SGCD: variants seen among roughly 807,000 people sequenced by gnomAD.
SGCD encodes sarcoglycan delta.
Under a neutral mutation model 36.6 loss-of-function variants are expected in SGCD, and 18 were observed. That is an observed-to-expected ratio of 0.49 (90% confidence interval 0.34 to 0.73). The LOEUF is 0.73. Among genes scored for constraint, SGCD ranks in the 30% least tolerant of loss-of-function variants. The pLI, the probability that SGCD is intolerant of heterozygous loss-of-function variation, is 0.01. For synonymous variants in SGCD, 133 were observed against 130.6 expected (o/e 1.02, Z -0.12); for missense variants, 387 against 346.7 (o/e 1.12, Z -0.92).
chr5:155,734,160 T>C, the SGCD span, among the ~76,000 whole-genome samples: 144 of 144,888 alleles, frequency 9.9e-4, no homozygotes, highest in African/African-American at 3.7e-3. Context: ...AATGTTACTG[T>C]TATTATATTA....
At chr5:156,475,165 T>G (rs1251345732) in intron 3 of SGCD, among the ~76,000 whole-genome samples, 1 of 152,352 alleles carries the variant, frequency 6.6e-6, no homozygotes, top group East Asian at 1.9e-4. Context: ...AAACTATCCC[T>G]GCTTTAATAA....
chr5:155,800,968 G>A, the SGCD span, among the ~76,000 whole-genome samples: 1 of 152,016 alleles, frequency 6.6e-6, no homozygotes, highest in Admixed American at 6.6e-5. Flanking sequence ...GATTTTCTTG[G>A]TTCAATCATT....
chr5:156,507,724 A>G (rs1307409559), intron 3 of SGCD, among the ~76,000 whole-genome samples: 1 of 152,238 alleles, frequency 6.6e-6, no homozygotes, highest in Non-Finnish European at 1.5e-5. Context: ...GACATTTATC[A>G]AATAAAGTAT....
chr5:156,241,717 T>G (rs1765311614), intron 3 of SGCD, among the ~76,000 whole-genome samples: 1 of 152,244 alleles, frequency 6.6e-6, no homozygotes, highest in Non-Finnish European at 1.5e-5. Context: ...CTCCAACTCT[T>G]TTTATCTCAT....
intron 3 of SGCD, among the ~76,000 whole-genome samples, chr5:156,166,545 C>A (rs1240307514): frequency 6.6e-6 from 1 of 152,182 alleles, no homozygotes; most frequent in African/African-American, 2.4e-5. Context: ...TGGTCTTGAT[C>A]TCCTGACCTC....
chr5:156,010,910 T>C (rs755134319), intron 1 of SGCD, among the ~76,000 whole-genome samples: 12 of 152,230 alleles, frequency 7.9e-5, no homozygotes, highest in Non-Finnish European at 1.6e-4. Flanking sequence ...ATATATATTG[T>C]TATGGCTTGT....
At chr5:156,514,370 G>T (rs1394825420) in intron 4 of SGCD, among the ~76,000 whole-genome samples, 2 of 152,220 alleles carry the variant, frequency 1.3e-5, no homozygotes. Context: ...GCCGTATCAT[G>T]AATTTATCTT....
In SGCD at chr5:156,065,499, T is replaced by C. The variant is rs1460642787; in HGVS notation, c.-281-52379T>C. On this transcript the variant is annotated intron_variant, in intron 1 of 9. Transcript: ENST00000517913. ...CAATTCCTGGGTATCCTTGTTGACTTTCTGTCTCGTTGATCTGTCTAATGT... is the reference window on the plus strand; with the variant it reads ...CAATTCCTGGGTATCCTTGTTGACTCTCTGTCTCGTTGATCTGTCTAATGT... 3.5e-4 allele frequency among the ~76,000 whole-genome samples: 29 copies of C among 83,022 alleles called. 2 individuals are homozygous for C. The highest frequency in any genetic ancestry group is 6.4e-3 in the Middle Eastern group (1 of 156). 54.5% of individuals were successfully genotyped at this position (83,022 alleles called of 152,430 possible).
intron 3 of SGCD, among the ~76,000 whole-genome samples, chr5:156,478,954 G>T (rs1306807040): frequency 6.6e-6 from 1 of 152,012 alleles, no homozygotes; most frequent in Non-Finnish European, 1.5e-5. Context: ...TCCTCTGATT[G>T]TCTTTCACCT....
chr5:156,123,524 C>T (rs79123167), intron 2 of SGCD, among the ~76,000 whole-genome samples: 3,346 of 152,226 alleles, frequency 0.022, 51 homozygotes, highest in Non-Finnish European at 0.034. Context: ...TTGCTTGACA[C>T]ACGGATTGAA....
chr5:156,354,088 G>T (rs1420999890), intron 3 of SGCD, among the ~76,000 whole-genome samples: 1 of 152,088 alleles, frequency 6.6e-6, no homozygotes, highest in Admixed American at 6.5e-5. Context: ...TATACTTTAA[G>T]TACTCATAAT....
rs1192162120 is a variant in SGCD at position 156,466,102 on chromosome 5, A to G, written c.193-42499A>G. On this transcript the variant is annotated intron_variant, in intron 3 of 8. Transcript: ENST00000337851. ...CAGCAATGTCATATACAAGTTGTAG[A>G]TAACACCGGAAGGCAGCTTAAATTA... 2.0e-5 allele frequency among the ~76,000 whole-genome samples: 3 copies of G among 152,238 alleles called. No individual in the cohort carries two copies. In the South Asian group the frequency reaches 6.2e-4, roughly 32 times the overall value.
chr5:156,489,858 A>G (rs766813213), intron 3 of SGCD, among the ~76,000 whole-genome samples: 5 of 152,016 alleles, frequency 3.3e-5, no homozygotes, highest in Non-Finnish European at 7.4e-5. Flanking sequence ...GAAGGAAAAC[A>G]AATAATAAAG....
chr5:156,657,191 G>C (rs1327515117), intron 7 of SGCD, among the ~76,000 whole-genome samples: 3 of 151,482 alleles, frequency 2.0e-5, no homozygotes, highest in Non-Finnish European at 4.4e-5. Context: ...GACAGTTACA[G>C]TACCAAAATA....
intron 3 of SGCD, among the ~76,000 whole-genome samples, chr5:156,191,101 G>A (rs1014988919): frequency 2.0e-5 from 3 of 152,054 alleles, no homozygotes; most frequent in African/African-American, 7.2e-5. Flanking sequence ...GTAATAGATG[G>A]GAACGAAGTG....
At chr5:156,160,449 AT>A (rs1410595609) in intron 3 of SGCD, among the ~76,000 whole-genome samples, 2 of 151,674 alleles carry the variant, frequency 1.3e-5, no homozygotes, top group Non-Finnish European at 2.9e-5. Context: ...ATTTAAAAAT[AT>A]TCTTTATAGT....
intron 3 of SGCD, among the ~76,000 whole-genome samples, chr5:156,264,267 C>T (rs116183633): frequency 0.014 from 2,127 of 152,118 alleles, 23 homozygotes; most frequent in Non-Finnish European, 0.024. Context: ...ACTAAGTCCC[C>T]AGTTAGATAT....
intron 3 of SGCD, among the ~76,000 whole-genome samples, chr5:156,244,825 TAG>T (rs755061432): frequency 2.0e-5 from 3 of 152,164 alleles, no homozygotes; most frequent in African/African-American, 7.2e-5. Context: ...GTCATCAGCA[TAG>T]AGAGTGGTGT....
At chr5:156,392,983 C>A (rs148376769) in intron 3 of SGCD, among the ~76,000 whole-genome samples, 1 of 152,092 alleles carries the variant, frequency 6.6e-6, no homozygotes, top group Non-Finnish European at 1.5e-5. Context: ...GGAAATTCAA[C>A]ATTTGGGCAG....
Sources: gnomAD v4.1 joint callset for allele counts (sites outside exome capture counted in the v4.1 genomes callset) on GRCh38, gnomAD v4.1.1 for gene constraint, MANE v1.5 for transcripts, NCBI Gene and HGNC (gene_info 2026-07-23, HGNC 2026-07-21) for gene names.